PRKG1: variants seen among roughly 807,000 people sequenced by gnomAD.
The protein encoded by PRKG1 is protein kinase cGMP-dependent 1, also known as cGMP-dependent protein kinase 1.
In PRKG1, 35 loss-of-function variants were observed where a neutral mutation model predicts 88.1. The ratio of observed to expected loss-of-function variants is 0.40; its 90% CI spans 0.30 to 0.53. The LOEUF (loss-of-function observed/expected upper bound fraction) is 0.53. Ranked by LOEUF, PRKG1 falls within the 20% of genes least tolerant of loss-of-function variation. The pLI is 0.59. For synonymous variants in PRKG1, 303 were observed against 292.5 expected (o/e 1.04, Z -0.37); for missense variants, 540 against 839.8 (o/e 0.64, Z 4.41).
intron 9 of PRKG1, among the ~76,000 whole-genome samples, chr10:52,233,634 T>A (rs9767506): frequency 0.4 from 52,928 of 132,396 alleles, 8,058 homozygotes; most frequent in East Asian, 0.7. Context: ...ACCACGAGAC[T>A]ATATCCCACA....
chr10:52,257,026 C>T (rs1841324407), intron 10 of PRKG1, among the ~76,000 whole-genome samples: 1 of 139,246 alleles, frequency 7.2e-6, no homozygotes. Context: ...TACCTAGTTC[C>T]TCTCCAGCCT....
At chr10:51,428,181 C>A (rs537121766) in intron 2 of PRKG1, among the ~76,000 whole-genome samples, 2 of 152,304 alleles carry the variant, frequency 1.3e-5, no homozygotes, top group South Asian at 4.2e-4. Flanking sequence ...CATGCATCCT[C>A]GTTATGCAAC....
chr10:51,331,604 CCTTT>C (rs1841743606), intron 2 of PRKG1, among the ~76,000 whole-genome samples: 1 of 152,084 alleles, frequency 6.6e-6, no homozygotes, highest in Non-Finnish European at 1.5e-5. Context: ...TGCAAAATTG[CCTTT>C]CTATCATCAT....
At chr10:51,882,339 A>G (rs559907178) in intron 4 of PRKG1, among the ~76,000 whole-genome samples, 24 of 152,264 alleles carry the variant, frequency 1.6e-4, no homozygotes, top group Non-Finnish European at 2.8e-4. Context: ...AATCTCAGAC[A>G]TGTCTCATGT....
chr10:51,748,918 C>T (rs899924461), intron 3 of PRKG1, among the ~76,000 whole-genome samples: 1 of 152,126 alleles, frequency 6.6e-6, no homozygotes, highest in Non-Finnish European at 1.5e-5. Flanking sequence ...TTCAGATTAC[C>T]TTTGGTCCAA....
intron 5 of PRKG1, among the ~76,000 whole-genome samples, chr10:51,944,550 G>A (rs1355179921): frequency 1.3e-5 from 2 of 151,928 alleles, no homozygotes; most frequent in East Asian, 3.9e-4. Context: ...TAATGTTAGG[G>A]TGTCAATTTT....
chr10:51,167,437 A>C (rs1846578100), intron 2 of PRKG1, among the ~76,000 whole-genome samples: 1 of 152,210 alleles, frequency 6.6e-6, no homozygotes, highest in Non-Finnish European at 1.5e-5. Context: ...CCCTGTAAGT[A>C]GACTGCTTTT....
intron 5 of PRKG1, among the ~76,000 whole-genome samples, chr10:51,951,456 G>T (rs1268864025): frequency 6.6e-6 from 1 of 152,150 alleles, no homozygotes; most frequent in Non-Finnish European, 1.5e-5. Flanking sequence ...ATAATACACA[G>T]AAATGATAAA....
At chr10:51,083,011 C>A (rs1324798942) in intron 1 of PRKG1, among the ~76,000 whole-genome samples, 6 of 152,146 alleles carry the variant, frequency 3.9e-5, no homozygotes, top group Non-Finnish European at 4.4e-5. Flanking sequence ...TCTGCTATGA[C>A]CCATTCATTG....
At chr10:51,643,558 T>C (rs1362074149) in intron 3 of PRKG1, among the ~76,000 whole-genome samples, 1 of 152,160 alleles carries the variant, frequency 6.6e-6, no homozygotes, top group Non-Finnish European at 1.5e-5. Context: ...ATATTTATAT[T>C]TGGAAAATGA....
chr10:51,581,009 G>T (rs60984723), intron 3 of PRKG1, among the ~76,000 whole-genome samples: 2 of 152,032 alleles, frequency 1.3e-5, no homozygotes, highest in South Asian at 2.1e-4. Flanking sequence ...TGGGTCCAGG[G>T]GGGGGTCACT....
At chr10:51,385,143 G>A (rs942910837) in intron 2 of PRKG1, among the ~76,000 whole-genome samples, 19 of 152,178 alleles carry the variant, frequency 1.2e-4, no homozygotes, top group Non-Finnish European at 2.8e-4. Flanking sequence ...TTAAGGCCTT[G>A]TGAAACGGCT....
intron 3 of PRKG1, among the ~76,000 whole-genome samples, chr10:51,635,509 A>G (rs2132288052): frequency 6.6e-6 from 1 of 152,192 alleles, no homozygotes; most frequent in African/African-American, 2.4e-5. Flanking sequence ...CCGTGGCCAA[A>G]ACTCACTTGT....
chr10:51,656,808 T>C (rs1840172021), intron 3 of PRKG1, among the ~76,000 whole-genome samples: 1 of 152,136 alleles, frequency 6.6e-6, no homozygotes, highest in African/African-American at 2.4e-5. Context: ...ACAAACCTTT[T>C]CAACAGGACT....
At chr10:52,023,637 G>A (rs1467705194) in intron 5 of PRKG1, among the ~76,000 whole-genome samples, 2 of 152,168 alleles carry the variant, frequency 1.3e-5, no homozygotes, top group African/African-American at 4.8e-5. Context: ...ATCTCATTGT[G>A]GTTTTGATTT....
intron 3 of PRKG1, among the ~76,000 whole-genome samples, chr10:51,798,673 C>CT (rs1246739547): frequency 6.6e-6 from 1 of 152,010 alleles, no homozygotes; most frequent in Admixed American, 6.6e-5. Flanking sequence ...GATAATTATG[C>CT]TTTTTTGTTA....
intron 9 of PRKG1, among the ~76,000 whole-genome samples, chr10:52,166,810 T>TATAC (rs1174962792): frequency 2.5e-3 from 3 of 1,204 alleles, no homozygotes; most frequent in African/African-American, 2.7e-3. Flanking sequence ...TATATATATG[T>TATAC]ATATATATGT....
At chr10:51,657,201 A>G (rs965056295) in intron 3 of PRKG1, among the ~76,000 whole-genome samples, 1 of 151,904 alleles carries the variant, frequency 6.6e-6, no homozygotes, top group Admixed American at 6.6e-5. Context: ...CTTTACTCTC[A>G]TTGTTTTATA....
chr10:51,921,929 A>G (rs1169562061), intron 5 of PRKG1, among the ~76,000 whole-genome samples: 1 of 152,002 alleles, frequency 6.6e-6, no homozygotes, highest in Non-Finnish European at 1.5e-5. Context: ...GGTCTCAGAG[A>G]ATGAAGTAGA....
Sources: allele counts gnomAD v4.1 joint callset (sites outside exome capture counted in the v4.1 genomes callset), GRCh38; gene constraint gnomAD v4.1.1; transcripts MANE v1.5; gene names NCBI Gene and HGNC (gene_info 2026-07-23, HGNC 2026-07-21).